PTPRS: variants seen among roughly 807,000 people sequenced by gnomAD.
The protein encoded by PTPRS is protein tyrosine phosphatase receptor type S.
A neutral mutation model predicts 215.3 loss-of-function variants in PTPRS; 63 were observed. The observed-to-expected ratio is 0.29, with a 90% CI of 0.24 to 0.36. The LOEUF (loss-of-function observed/expected upper bound fraction) is 0.36, where lower values mean the gene tolerates loss of function less well. Among genes scored for constraint, PTPRS ranks in the 10% least tolerant of loss-of-function variants. The pLI is 1.00. For missense variants in PTPRS, 2,258 were observed against 2,825.8 expected (o/e 0.80, Z 4.56); for synonymous variants, 1,404 against 1,191.4 (o/e 1.18, Z -3.68).
rs3042434 is a variant in PTPRS, at chr19:5,287,964, GCACACACACACACACACA to G, written c.-94-1748_-94-1731del. Among the ~76,000 whole-genome samples, 36 of 133,364 alleles carry G rather than the reference GCACACACACACACACACA, an allele frequency of 2.7e-4. No homozygotes were observed. Among genetic ancestry groups the G allele is most frequent in the East Asian group, 6.9e-4 (3 of 4,348 alleles). 87.5% of individuals were successfully genotyped at this position (133,364 alleles called of 152,430 possible). Reference sequence around the variant, plus strand: ...TCACACAGTCAGGCAGCAGAGACGGGCACACACACACACACACACACACACACACACACACACACACAC... The same window carrying G: ...TCACACAGTCAGGCAGCAGAGACGGGCACACACACACACACACACACACAC... On this transcript the variant is annotated intron_variant, in intron 1 of 37. Transcript: ENST00000262963. The surrounding 1 kb of genome is among the most constrained non-coding windows in gnomAD (Gnocchi z 4.8).
Position 5,231,377 on chromosome 19 carries a change from A to C in PTPRS, c.2088T>G (p.Thr696=), listed in dbSNP as rs1183701063. Residue 696 remains threonine (T), a synonymous_variant, in exon 14 of 38, where the codon ACT becomes ACG. Coordinates refer to ENST00000262963, the MANE Select transcript of PTPRS (RefSeq NM_002850.4). ...LEKWTQYRIT[T]VAHTEVGPGP... ...CTGGTCCCACCTCTGTGTGAGCGACAGTCGTGATGCGGTACTGGGTCCACT... is the reference window on the plus strand; with the variant it reads ...CTGGTCCCACCTCTGTGTGAGCGACCGTCGTGATGCGGTACTGGGTCCACT... The C allele has an allele frequency of 2.5e-6, 4 of 1,612,956 alleles. No individual in the cohort carries two copies. Among genetic ancestry groups the C allele is most frequent in the Non-Finnish European group, 3.4e-6 (4 of 1,179,890 alleles).
chr19:5,294,647 C>T lies in PTPRS; in HGVS notation c.-94-8413G>A, dbSNP rs1160140299. ...GCTGGCTCCCATCTCCTTCAAACAT[C>T]GAATAAATGCCTCCCTCACTGGGGG... On this transcript the variant is annotated intron_variant, in intron 1 of 37. Transcript: ENST00000262963. This position sits in a 1 kb window ranked among gnomAD's most constrained non-coding sequence, Gnocchi z 5.1. 3 of 152,190 alleles carry T rather than the reference C, an allele frequency of 2.0e-5. No homozygotes were observed. Among genetic ancestry groups the T allele is most frequent in the Admixed American group, 6.5e-5 (1 of 15,270 alleles). The allele number at this position is 152,190 out of a possible 1,614,324, so 9.4% of individuals were successfully genotyped here. A position where few individuals can be genotyped will look rare whatever the true frequency, so the allele number is the denominator to read the frequency against.
intron 7 of PTPRS, among the ~76,000 whole-genome samples, chr19:5,258,548 C>A (rs1296411125): frequency 6.6e-6 from 1 of 152,198 alleles, no homozygotes; most frequent in Non-Finnish European, 1.5e-5. Flanking sequence ...AGGGGGCCCA[C>A]CACAAATCAT....
chr19:5,245,722 G>T, intron 10 of PTPRS, 54 bp downstream of exon 10: 3 of 1,505,404 alleles, frequency 2.0e-6, no homozygotes, highest in East Asian at 2.4e-5. Context: ...GCCTGAAGTC[G>T]GGGATCGACT....
chr19:5,326,017 G>C (rs2050157013), intron 1 of PTPRS, among the ~76,000 whole-genome samples: 2 of 152,162 alleles, frequency 1.3e-5, no homozygotes, highest in African/African-American at 2.4e-5. Flanking sequence ...GATCACTTGA[G>C]GTCAGGAGTT....
rs1231599761 is a variant in PTPRS at position 5,257,376 on chromosome 19, C to T, written c.706+641G>A. 1.5e-5 allele frequency: 7 copies of T among 455,172 alleles called. No individual in the cohort carries two copies. The highest frequency in any genetic ancestry group is 4.0e-5 in the African/African-American group (2 of 50,112). 28.2% of individuals were successfully genotyped at this position (455,172 alleles called of 1,614,324 possible). ...AGCTCGGTGCAACTACCGAGCCCCC[C>T]GGGTGCCTGTGCCCGCTGTGGCTCC... On this transcript the variant is annotated intron_variant, in intron 8 of 37. Coordinates refer to ENST00000262963, the MANE Select transcript of PTPRS (RefSeq NM_002850.4). This position sits in a 1 kb window ranked among gnomAD's most constrained non-coding sequence, Gnocchi z 4.4.
rs754216245 is a variant in PTPRS at position 5,223,111 on chromosome 19, C to A, written c.2681G>T (p.Gly894Val). The A allele has an allele frequency of 5.1e-6, 8 of 1,567,912 alleles. No individual in the cohort carries two copies. In the South Asian group the frequency reaches 9.4e-5, roughly 18 times the overall value. ...CACATACGTGGCCCCCTTGTGCACG[C>A]CTGATGCCGTGTAGCGGTCCTCGGA... is the stretch of plus-strand genomic sequence containing the variant. ...PPSEDRYTAS[G>V]VHKGATYVFR... is the part of the protein sequence containing the mutation. The change falls in exon 18 of 38, where the codon GGC (glycine) becomes GTC (valine). Residue 894 changes from glycine (G) to valine (V), a missense_variant. Physicochemically the swap from Gly to Val is moderately radical, Grantham distance 109 (BLOSUM62 -3). Around this residue, in one of 6 missense-constraint regions of PTPRS, gnomAD observed 361 missense variants for 332.6 expected, o/e 1.09. Coordinates refer to ENST00000262963, the MANE Select transcript of PTPRS (RefSeq NM_002850.4).
At position 5,208,050 on chromosome 19, in the gene PTPRS, C is replaced by T. The variant is rs759155627; in HGVS notation, c.5650G>A (p.Val1884Met). 8.7e-6 allele frequency: 14 copies of T among 1,611,640 alleles called. No homozygotes were observed. The highest frequency in any genetic ancestry group is 1.6e-4 in the Middle Eastern group (1 of 6,080). ...GPISVHCSAG[V>M]GRTGVFITLS... ...GTGATGAAGACGCCCGTCCTGCCCA[C>T]GCCGGCACTGGTGGCAGTAAAGTGA... Residue 1884 changes from valine to methionine, a missense_variant, in exon 37 of 38, where the codon GTG (valine) becomes ATG (methionine). This residue lies in a region of PTPRS where 89 missense variants were observed against 104.0 expected (regional missense o/e 0.86). Transcript: ENST00000262963.
rs759571767 is a variant in PTPRS, at chr19:5,215,392, C to T, written c.4215G>A (p.Gln1405=). 3.3e-5 allele frequency: 54 copies of T among 1,613,716 alleles called. No homozygotes were observed. The highest frequency in any genetic ancestry group is 4.4e-5 in the Non-Finnish European group (52 of 1,179,896). ...QEYESIDPGQ[Q]FTWEHSNLEV... ...CCAGGTTGGAATGTTCCCATGTGAA[C>T]TGCTGTCCAGGGTCGATGGACTACA... is the stretch of plus-strand genomic sequence containing the variant. The change falls in exon 28 of 38, where the codon CAG becomes CAA. Residue 1405 remains glutamine (Q), a synonymous_variant. Transcript: ENST00000262963.
In PTPRS at chr19:5,257,451, G is replaced by C. The variant is rs1221738091; in HGVS notation, c.706+566C>G. The C allele has an allele frequency of 4.4e-6, 2 of 458,468 alleles. No individual in the cohort carries two copies. Among genetic ancestry groups the C allele is most frequent in the African/African-American group, 2.0e-5 (1 of 50,206 alleles). The allele number at this position is 458,468 out of a possible 1,614,324, so 28.4% of individuals were successfully genotyped here. On this transcript the variant is annotated intron_variant, in intron 8 of 37. Transcript: ENST00000262963. This position sits in a 1 kb window ranked among gnomAD's most constrained non-coding sequence, Gnocchi z 4.4. ...CTTCTCGGAGAGTCATTAGGAAGAG[G>C]CAGAAGGCGCCGGGCTCCGGACCAG... is the stretch of plus-strand genomic sequence containing the variant.
chr19:5,251,703 C>T (rs555123499), intron 9 of PTPRS, among the ~76,000 whole-genome samples: 242 of 152,212 alleles, frequency 1.6e-3, no homozygotes, highest in Non-Finnish European at 2.8e-3. Context: ...ACCCCCTCCT[C>T]GCCGCCCACC....
At chr19:5,329,536 C>T (rs746918586) in intron 1 of PTPRS, among the ~76,000 whole-genome samples, 8 of 150,330 alleles carry the variant, frequency 5.3e-5, no homozygotes, top group Non-Finnish European at 8.9e-5. Context: ...GAGGCTGAGG[C>T]GGGCAGATCA....
rs371267688 is a variant in PTPRS at position 5,285,489 on chromosome 19, G to A, written c.91+561C>T. 1.0e-3 allele frequency among the ~76,000 whole-genome samples: 155 copies of A among 152,172 alleles called. 3 individuals carry two copies. The highest frequency in any genetic ancestry group is 3.1e-3 in the African/African-American group (130 of 41,506). Reference sequence around the variant, plus strand: ...CCTGACGAGGAATGGCTTTTCTATCGGCGAACTCCTATACACCCACAAAAC... The same window carrying A: ...CCTGACGAGGAATGGCTTTTCTATCAGCGAACTCCTATACACCCACAAAAC... On this transcript the variant is annotated intron_variant, in intron 2 of 37. Coordinates refer to ENST00000262963, the MANE Select transcript of PTPRS (RefSeq NM_002850.4).
At chr19:5,211,418 C>G (rs887746679) in intron 33 of PTPRS, among the ~76,000 whole-genome samples, 172 bp downstream of exon 33, 2 of 152,222 alleles carry the variant, frequency 1.3e-5, no homozygotes, top group African/African-American at 4.8e-5. Flanking sequence ...AACACACACC[C>G]AAAGATTCAC....
At chr19:5,239,158 GGAGGGGGA>G in intron 12 of PTPRS, 95 bp from the exon 13 acceptor site, 1 of 714,680 alleles carries the variant, frequency 1.4e-6, no homozygotes, top group Non-Finnish European at 2.2e-6. Flanking sequence ...AACAGAGGGG[GGAGGGGGA>G]GAGAGAGAGA....
rs948346688 is a variant in PTPRS at position 5,239,181 on chromosome 19, G to GAGAC, written c.1705-119_1705-118insGTCT. On this transcript the variant is annotated intron_variant, in intron 12 of 37. Transcript: ENST00000262963. ...GGGGAGGGGGAGAGAGAGAGAGAGA[G>GAGAC]AGAGAGACAGAGAAATAGAGACAGG... The GAGAC allele has an allele frequency of 7.1e-6, 5 of 705,702 alleles. No individual in the cohort carries two copies. The East Asian group carries it at 9.4e-5, about 13-fold the overall frequency. 43.7% of individuals were successfully genotyped at this position (705,702 alleles called of 1,614,324 possible).
intron 5 of PTPRS, among the ~76,000 whole-genome samples, chr19:5,263,875 C>A (rs937357486): frequency 2.6e-5 from 4 of 152,220 alleles, no homozygotes; most frequent in Non-Finnish European, 4.4e-5. Context: ...GTGACAGCAG[C>A]CAGGCCTGCA....
chr19:5,248,097 G>C (rs1484869460), intron 9 of PTPRS, among the ~76,000 whole-genome samples: 1 of 151,004 alleles, frequency 6.6e-6, no homozygotes, highest in East Asian at 2.0e-4. Flanking sequence ...GGGGAGAATG[G>C]GGTCCGGCCA....
chr19:5,296,713 A>AGGAGGGGAGG (rs78706155), intron 1 of PTPRS, among the ~76,000 whole-genome samples: 1 of 93,504 alleles, frequency 1.1e-5, no homozygotes, highest in Non-Finnish European at 2.0e-5. Context: ...GGAGACAAAG[A>AGGAGGGGAGG]GGAGGGGAGG....
Sources: gnomAD v4.1 joint callset for allele counts (sites outside exome capture counted in the v4.1 genomes callset) on GRCh38, gnomAD v4.1.1 for gene constraint, gnomAD v4.1.1 regional missense constraint, Gnocchi (gnomAD v3.1) non-coding constraint, MANE v1.5 for transcripts, NCBI Gene and HGNC (gene_info 2026-07-23, HGNC 2026-07-21) for gene names.